UXT: variants seen among roughly 807,000 people sequenced by gnomAD.
UXT encodes the protein ubiquitously expressed prefoldin like chaperone.
For missense variants in UXT, 111 were observed against 132.7 expected (o/e 0.84, Z 0.80); for synonymous variants, 54 against 52.8 (o/e 1.02, Z -0.10).
At chrX:47,657,469 C>T in intron 3 of UXT, 103 bp downstream of exon 4, 1 of 907,609 alleles carries the variant, frequency 1.1e-6, no homozygotes, top group South Asian at 2.3e-5. Flanking sequence ...TATAAAACCT[C>T]GCATAGTGCC....
intron 1 of UXT, among the ~76,000 whole-genome samples, chrX:47,658,574 G>T (rs1037236422): frequency 9.8e-5 from 11 of 112,171 alleles, no homozygotes; most frequent in African/African-American, 3.2e-4. Context: ...ATTCGAACCC[G>T]AGAACTGTGG....
rs1167534969 is a variant in UXT, at chrX:47,658,842, T to G, written c.122A>C (p.Gln41Pro). 8.7e-7 allele frequency: 1 copy of G among 1,147,144 alleles called. No homozygotes were observed. The allele number at this position is 1,147,144 out of a possible 1,213,427, so 94.5% of individuals were successfully genotyped here. A position where few individuals can be genotyped will look rare whatever the true frequency, so the allele number is the denominator to read the frequency against. Residue 41 changes from glutamine (Q) to proline (P), a missense_variant, in exon 1 of 6, where the codon CAG becomes CCG. Coordinates refer to ENST00000335890, the MANE Select transcript of UXT (RefSeq NM_153477.3). ...CACTGTCACTCACCGCAAGTCCCGCTGCAGCACGTCACTGATGAAGGTCTC... is the reference window on the plus strand; with the variant it reads ...CACTGTCACTCACCGCAAGTCCCGCGGCAGCACGTCACTGATGAAGGTCTC...
chrX:47,655,116 C>T (rs776944202), intron 4 of UXT, among the ~76,000 whole-genome samples: 2 of 111,855 alleles, frequency 1.8e-5, no homozygotes, highest in African/African-American at 6.5e-5. Flanking sequence ...CCTGTCTCTA[C>T]TAAAAATACA....
At chrX:47,653,931 G>T in intron 4 of UXT, 1 of 168,144 alleles carries the variant, frequency 5.9e-6, no homozygotes, top group Non-Finnish European at 9.7e-6. Context: ...TATTCTGGGG[G>T]TAATGCTTAA....
At chrX:47,653,291 A>G (rs190417190) in intron 4 of UXT, among the ~76,000 whole-genome samples, 120 of 112,362 alleles carry the variant, frequency 1.1e-3, no homozygotes, top group African/African-American at 3.7e-3. Context: ...AAAAAAAAGT[A>G]GTATGAACCC....
At chrX:47,652,990 C>T (rs1455006009) in intron 4 of UXT, among the ~76,000 whole-genome samples, 2 of 111,575 alleles carry the variant, frequency 1.8e-5, no homozygotes, top group Non-Finnish European at 3.8e-5. Flanking sequence ...GAGAAGGAAT[C>T]GAAGAATGCC....
At chrX:47,656,424 T>G (rs1206625938) in intron 4 of UXT, among the ~76,000 whole-genome samples, 2 of 112,136 alleles carry the variant, frequency 1.8e-5, no homozygotes, top group Non-Finnish European at 3.8e-5. Context: ...AATCTCCCCC[T>G]TTGTAAAACT....
intron 4 of UXT, chrX:47,654,023 GCTTACC>G (rs2058076151): frequency 1.4e-6 from 1 of 708,649 alleles, no homozygotes; most frequent in South Asian, 7.3e-5. Context: ...AATGGTGTAA[GCTTACC>G]TTATGAAAAC....
intron 4 of UXT, among the ~76,000 whole-genome samples, chrX:47,656,477 A>T (rs920735341): frequency 8.9e-6 from 1 of 112,190 alleles, no homozygotes; most frequent in South Asian, 3.6e-4. Flanking sequence ...GAAATTACAT[A>T]GTAAATATTA....
At chrX:47,651,944 GC>G (rs1326225515) in intron 5 of UXT, 49 bp from the exon 7 acceptor site, 1 of 1,192,295 alleles carries the variant, frequency 8.4e-7, no homozygotes, top group Non-Finnish European at 1.1e-6. Context: ...TCTGGGTTAC[GC>G]CCCCAGGCTT....
intron 4 of UXT, among the ~76,000 whole-genome samples, chrX:47,655,802 A>G (rs1001210462): frequency 1.8e-5 from 2 of 111,675 alleles, no homozygotes; most frequent in African/African-American, 6.5e-5. Context: ...CAAATCCCTC[A>G]TCTATGCTCC....
chrX:47,654,294 C>T (rs1474621450), intron 4 of UXT, among the ~76,000 whole-genome samples: 2 of 107,519 alleles, frequency 1.9e-5, no homozygotes, highest in African/African-American at 6.8e-5. Context: ...GCAACCTCCA[C>T]CCTCCGAGTT....
chrX:47,658,753 G>A, intron 1 of UXT, 77 bp downstream of exon 2: 1 of 1,077,716 alleles, frequency 9.3e-7, no homozygotes, highest in Non-Finnish European at 1.2e-6. Context: ...CCAATTCAAA[G>A]GGTTGGCCCT....
At chrX:47,656,523 GA>G (rs1425331614) in intron 4 of UXT, among the ~76,000 whole-genome samples, 2 of 111,866 alleles carry the variant, frequency 1.8e-5, no homozygotes, top group Non-Finnish European at 3.8e-5. Context: ...AAAGTAGAAG[GA>G]GGGGAATCAA....
chrX:47,658,699 C>T (rs2058092295), intron 1 of UXT, 131 bp downstream of exon 2: 2 of 941,705 alleles, frequency 2.1e-6, no homozygotes, highest in Non-Finnish European at 2.8e-6. Context: ...GTCCCCACTT[C>T]TCGCTCCAAG....
At position 47,659,017 on chromosome X, in the gene UXT, T is replaced by A. The variant is rs751658641; in HGVS notation, c.-54A>T. 17 of 1,207,021 alleles carry A rather than the reference T, an allele frequency of 1.4e-5. No individual in the cohort carries two copies. The African/African-American group carries it at 2.8e-4, about 20-fold the overall frequency. On this transcript the variant is annotated 5_prime_UTR_variant, in exon 1 of 6. Coordinates refer to ENST00000335890, the MANE Select transcript of UXT (RefSeq NM_153477.3). ...CAGTTCATCTCTACCCTCTCAACGC[T>A]GGGAATCGGCTTGTCCGGCTCAAGC...
chrX:47,651,875 G>A lies in UXT; in HGVS notation c.477C>T (p.Gly159=). The A allele has an allele frequency of 3.3e-6, 4 of 1,211,765 alleles. No individual in the cohort carries two copies. Among genetic ancestry groups the A allele is most frequent in the Non-Finnish European group, 4.5e-6 (4 of 895,349 alleles). The stretch of plus-strand genomic sequence containing the variant: ...GAGGCTTCTCTGGGAAATTCTGCAG[G>A]CCTTGTAGTTCTCTAAGCCCCTGAA... The change falls in exon 6 of 6, where the codon GGC becomes GGT. Residue 159 remains glycine (G), a synonymous_variant. Transcript: ENST00000335890.
At chrX:47,656,702 T>C (rs1265157482) in intron 4 of UXT, among the ~76,000 whole-genome samples, 1 of 111,414 alleles carries the variant, frequency 9.0e-6, no homozygotes, top group Admixed American at 9.5e-5. Flanking sequence ...GGTGGGATCA[T>C]TCTTGGGGTG....
chrX:47,657,461 T>C, intron 3 of UXT, 111 bp downstream of exon 4: 1 of 887,476 alleles, frequency 1.1e-6, no homozygotes, highest in Non-Finnish European at 1.6e-6. Context: ...TACTGGGATA[T>C]AAAACCTCGC....
Sources: gnomAD v4.1 joint callset for allele counts (sites outside exome capture counted in the v4.1 genomes callset) on GRCh38, gnomAD v4.1.1 for gene constraint, MANE v1.5 for transcripts, NCBI Gene and HGNC (gene_info 2026-07-23, HGNC 2026-07-21) for gene names.